TRIM48: variants seen among roughly 807,000 people sequenced by gnomAD.
TRIM48 encodes the protein tripartite motif containing 48, also known as E3 ubiquitin-protein ligase TRIM48.
TRIM48 carries 31 observed loss-of-function variants against 29.5 expected under a neutral mutation model. The observed-to-expected ratio is 1.05, with a 90% CI of 0.79 to 1.42. The LOEUF (loss-of-function observed/expected upper bound fraction) is 1.42. Ranked by LOEUF, TRIM48 falls within the 40% of genes most tolerant of loss-of-function variation. The probability of loss-of-function intolerance (pLI) is 0.00; values close to 1 mark genes in which losing one functional copy is unlikely to be tolerated. For missense variants in TRIM48, 344 were observed against 265.0 expected, an observed-to-expected ratio of 1.30 and a Z score of -2.07; for synonymous variants, 128 against 90.6, an observed-to-expected ratio of 1.41 and a Z score of -2.34.
At chr11:55,270,076 C>T (rs1279283447) in intron 5 of TRIM48, among the ~76,000 whole-genome samples, 1 of 147,928 alleles carries the variant, frequency 6.8e-6, no homozygotes, top group Non-Finnish European at 1.5e-5. Context: ...AATGATGGCA[C>T]TAGTTTTTAA....
chr11:55,269,249 T>C lies in TRIM48; in HGVS notation c.586T>C (p.Ser196Pro), dbSNP rs1474908646. Residue 196 changes from serine (S) to proline (P), a missense_variant, in exon 5 of 6, where the codon TCC becomes CCC. By Grantham distance (74) the Ser-to-Pro change is moderately conservative. Transcript: ENST00000417545. ...GCAGGTTTTTCCTTGCAGGAGTGAG[T>C]CCGTGCTGCTGCACATGCCCCAGCC... ...AFGDILYRSE[S>P]VLLHMPQPLN... 1 of 1,574,446 alleles carries C rather than the reference T, an allele frequency of 6.4e-7. No homozygotes were observed. The highest frequency in any genetic ancestry group is 8.6e-7 in the Non-Finnish European group (1 of 1,165,978).
intron 3 of TRIM48, among the ~76,000 whole-genome samples, chr11:55,267,134 G>A (rs3974157): frequency 6.8e-6 from 1 of 147,694 alleles, no homozygotes; most frequent in Middle Eastern, 3.5e-3. Flanking sequence ...TTCCATAAAT[G>A]TGGGTTGGAA....
chr11:55,269,269 C>A lies in TRIM48; in HGVS notation c.606C>A (p.Pro202=). 1.3e-6 allele frequency: 2 copies of A among 1,576,172 alleles called. No homozygotes were observed. Among genetic ancestry groups the A allele is most frequent in the South Asian group, 1.2e-5 (1 of 83,674 alleles). ...GTGAGTCCGTGCTGCTGCACATGCC[C>A]CAGCCTCTGAATCTAGCGCTCAGGG... is the stretch of plus-strand genomic sequence containing the variant. ...YRSESVLLHM[P]QPLNLALRAG... The change falls in exon 5 of 6, where the codon CCC becomes CCA. Residue 202 remains proline (P), a synonymous_variant. Transcript: ENST00000417545.
At position 55,268,417 on chromosome 11, in the gene TRIM48, C is replaced by A. The variant is rs185115588; in HGVS notation, c.578+45C>A. The A allele has an allele frequency of 1.1e-5, 16 of 1,502,716 alleles. 1 individual carries two copies. Among genetic ancestry groups the A allele is most frequent in the East Asian group, 1.0e-4 (4 of 39,530 alleles). 93.1% of individuals were successfully genotyped at this position (1,502,716 alleles called of 1,614,324 possible). A position where few individuals can be genotyped will look rare whatever the true frequency, so the allele number is the denominator to read the frequency against. On this transcript the variant is annotated intron_variant, in intron 4 of 5. Transcript: ENST00000417545. ...TTAGCATATGTTCTTTCACTTTCCA[C>A]GAATATCAAAGCAGGCTCTACCAAA...
rs1354498537 is a variant in TRIM48 at position 55,265,664 on chromosome 11, A to G, written c.524A>G (p.Asn175Ser). The G allele has an allele frequency of 6.3e-7, 1 of 1,581,800 alleles. No homozygotes were observed. The highest frequency in any genetic ancestry group is 8.6e-7 in the Non-Finnish European group (1 of 1,165,286). The change falls in exon 3 of 6, where the codon AAT (asparagine) becomes AGT (serine). Residue 175 changes from asparagine (N) to serine (S), a missense_variant. By Grantham distance (46) the Asn-to-Ser change is conservative (BLOSUM62 1). Transcript: ENST00000417545. ...EKACENQRNLNVETTRISHWK... is the reference protein window; with the variant it reads ...EKACENQRNLSVETTRISHWK... ...GCTTGTGAAAATCAGAGAAACCTGA[A>G]TGTGGAAACCACCAGAATCAGCCAC...
Position 55,269,675 on chromosome 11 carries a change from C to A in TRIM48, c.*1+336C>A, listed in dbSNP as rs1177214558. 1.4e-5 allele frequency among the ~76,000 whole-genome samples: 2 copies of A among 147,074 alleles called. 1 individual carries two copies. Among genetic ancestry groups the A allele is most frequent in the African/African-American group, 5.0e-5 (2 of 40,208 alleles). On this transcript the variant is annotated intron_variant, in intron 5 of 5. Coordinates refer to ENST00000417545, the MANE Select transcript of TRIM48 (RefSeq NM_024114.5). ...ATGTTAAATACAAAATTTTACATTTCTTTGGTGTATTCATTTGAACAGTTA... is the reference window on the plus strand; with the variant it reads ...ATGTTAAATACAAAATTTTACATTTATTTGGTGTATTCATTTGAACAGTTA...
chr11:55,267,188 A>T lies in TRIM48; in HGVS notation c.556-1162A>T. On this transcript the variant is annotated intron_variant, in intron 3 of 5. Coordinates refer to ENST00000417545, the MANE Select transcript of TRIM48 (RefSeq NM_024114.5). ...GTTTTTTTTTATTTCCAACTATCTT[A>T]GAACACTCCTTATCTTGAATAAATT... is the stretch of plus-strand genomic sequence containing the variant. Among the ~76,000 whole-genome samples, 2 of 147,840 alleles carry T rather than the reference A, an allele frequency of 1.4e-5. 1 individual carries two copies.
intron 1 of TRIM48, 52 bp from the exon 2 acceptor site, chr11:55,264,848 A>G: frequency 6.3e-7 from 1 of 1,578,056 alleles, no homozygotes; most frequent in East Asian, 2.4e-5. Flanking sequence ...CATGTTCAGA[A>G]GCTTTTCATC....
intron 1 of TRIM48, 23 bp from the exon 2 acceptor site, chr11:55,264,877 A>G: frequency 6.3e-7 from 1 of 1,582,778 alleles, no homozygotes; most frequent in Non-Finnish European, 8.6e-7. Context: ...CCCCAAAATG[A>G]CATGCTGCTC....
intron 2 of TRIM48, 142 bp downstream of exon 2, chr11:55,265,456 G>T (rs572270613): frequency 2.0e-6 from 3 of 1,486,188 alleles, no homozygotes; most frequent in East Asian, 5.2e-5. Context: ...AAACCTCTGA[G>T]ATTTGACGAG....
intron 3 of TRIM48, among the ~76,000 whole-genome samples, 197 bp downstream of exon 3, chr11:55,265,892 C>T (rs564695970): frequency 1.4e-5 from 2 of 146,724 alleles, no homozygotes; most frequent in South Asian, 5.0e-4. Context: ...TCTAACAAAA[C>T]CGTTGATGTT....
Position 55,264,949 on chromosome 11 carries a change from C to T in TRIM48, c.94C>T (p.Pro32Ser), listed in dbSNP as rs545448989. Reference sequence around the variant, plus strand: ...AGTCTTCCAGAGGGAACTCACCTGCCCCATCTGCATGAACTACTTCATAGA... The same window carrying T: ...AGTCTTCCAGAGGGAACTCACCTGCTCCATCTGCATGAACTACTTCATAGA... ...SQVFQRELTC[P>S]ICMNYFIDPV... The change falls in exon 2 of 6, where the codon CCC becomes TCC. Residue 32 changes from proline (P) to serine (S), a missense_variant. By Grantham distance (74) the Pro-to-Ser change is moderately conservative. Coordinates refer to ENST00000417545, the MANE Select transcript of TRIM48 (RefSeq NM_024114.5). The T allele has an allele frequency of 8.8e-6, 14 of 1,583,958 alleles. 3 individuals are homozygous for T. Among genetic ancestry groups the T allele is most frequent in the African/African-American group, 1.4e-5 (1 of 73,604 alleles).
At position 55,270,643 on chromosome 11, in the gene TRIM48, G is replaced by A; in HGVS notation, c.*208G>A. Reference sequence around the variant, plus strand: ...GGGGGACTCTTGGAATTGGGCTTTTGGTGTCTGTAATAAGTATTGGAAAGG... The same window carrying A: ...GGGGGACTCTTGGAATTGGGCTTTTAGTGTCTGTAATAAGTATTGGAAAGG... On this transcript the variant is annotated 3_prime_UTR_variant, in exon 6 of 6. Transcript: ENST00000417545. The A allele has an allele frequency of 6.3e-7, 1 of 1,580,468 alleles. No homozygotes were observed.
At chr11:55,270,205 G>C (rs1229322286) in intron 5 of TRIM48, among the ~76,000 whole-genome samples, 2 of 148,110 alleles carry the variant, frequency 1.4e-5, no homozygotes, top group Non-Finnish European at 3.0e-5. Context: ...TTGGCTGTCA[G>C]TATGTAAGTT....
intron 5 of TRIM48, among the ~76,000 whole-genome samples, chr11:55,269,837 G>A (rs564881476): frequency 2.0e-5 from 3 of 147,814 alleles, no homozygotes; most frequent in African/African-American, 7.4e-5. Flanking sequence ...GTGAATACAA[G>A]TAAAACATCA....
chr11:55,265,081 C>A lies in TRIM48; in HGVS notation c.226C>A (p.Gln76Lys). 6.3e-7 allele frequency: 1 copy of A among 1,583,372 alleles called. No individual in the cohort carries two copies. The highest frequency in any genetic ancestry group is 8.6e-7 in the Non-Finnish European group (1 of 1,166,154). The change falls in exon 2 of 6, where the codon CAG becomes AAG. Residue 76 changes from glutamine to lysine, a missense_variant. Coordinates refer to ENST00000417545, the MANE Select transcript of TRIM48 (RefSeq NM_024114.5). ...GTGCTTTGAATGCATAAAGACAATA[C>A]AGCAGAGAAACCTCAAAACTAACAT... ...TQCFECIKTIQQRNLKTNIRL... is the reference protein window; with the variant it reads ...TQCFECIKTIKQRNLKTNIRL...
At chr11:55,268,571 A>T (rs1228660522) in intron 4 of TRIM48, among the ~76,000 whole-genome samples, 199 bp downstream of exon 4, 1 of 147,876 alleles carries the variant, frequency 6.8e-6, no homozygotes, top group Non-Finnish European at 1.5e-5. Context: ...TAAAATTTTA[A>T]AAAACATGTT....
Position 55,264,397 on chromosome 11 carries a change from G to T in TRIM48, c.45-503G>T, listed in dbSNP as rs1176623019. On this transcript the variant is annotated intron_variant, in intron 1 of 5. Transcript: ENST00000417545. Reference sequence around the variant, plus strand: ...GTCCTGAGATAAACGTGCAGGACATGCAGGCTTGTTACACAGGTAAACATG... The same window carrying T: ...GTCCTGAGATAAACGTGCAGGACATTCAGGCTTGTTACACAGGTAAACATG... 2.7e-5 allele frequency among the ~76,000 whole-genome samples: 4 copies of T among 147,912 alleles called. 1 individual carries two copies. The highest frequency in any genetic ancestry group is 6.0e-5 in the Non-Finnish European group (4 of 67,026).
At position 55,269,282 on chromosome 11, in the gene TRIM48, C is replaced by G. The variant is rs1432103240; in HGVS notation, c.619C>G (p.Leu207Val). The part of the protein sequence containing the change: ...VLLHMPQPLN[L>V]ALRAGPITGL... ...GCTGCACATGCCCCAGCCTCTGAAT[C>G]TAGCGCTCAGGGCAGGGCCCATCAC... Residue 207 changes from leucine to valine, a missense_variant, in exon 5 of 6, where the codon CTA becomes GTA. Leu to Val is a conservative substitution (Grantham distance 32). Transcript: ENST00000417545. 1 of 1,576,470 alleles carries G rather than the reference C, an allele frequency of 6.3e-7. No homozygotes were observed. The highest frequency in any genetic ancestry group is 1.2e-5 in the South Asian group (1 of 83,682).
Sources: allele counts gnomAD v4.1 joint callset (sites outside exome capture counted in the v4.1 genomes callset), GRCh38; gene constraint gnomAD v4.1.1; transcripts MANE v1.5; gene names NCBI Gene and HGNC (gene_info 2026-07-23, HGNC 2026-07-21).